Variants in FCHSD2 observed in about 807,000 individuals in gnomAD.
FCHSD2 encodes the protein FCH and double SH3 domains 2.
FCHSD2 carries 38 observed loss-of-function variants against 108.1 expected under a neutral mutation model. The ratio of observed to expected loss-of-function variants is 0.35; its 90% confidence interval spans 0.27 to 0.46. FCHSD2 has a LOEUF of 0.46. Ranked by LOEUF, FCHSD2 falls within the 20% of genes least tolerant of loss-of-function variation. The probability of loss-of-function intolerance (pLI) is 1.00; values close to 1 mark genes in which losing one functional copy is unlikely to be tolerated. For synonymous variants in FCHSD2, 279 were observed against 314.7 expected, an observed-to-expected ratio of 0.89 and a Z score of 1.20; for missense variants, 751 against 897.8, an observed-to-expected ratio of 0.84 and a Z score of 2.09.
chr11:72,945,187 G>A (rs964788503), intron 8 of FCHSD2, among the ~76,000 whole-genome samples: 3 of 152,116 alleles, frequency 2.0e-5, no homozygotes, highest in African/African-American at 7.2e-5. Flanking sequence ...CATGGTACTG[G>A]TACCAAAACA....
chr11:73,133,787 C>T (rs1323570871), intron 2 of FCHSD2, among the ~76,000 whole-genome samples: 4 of 82,698 alleles, frequency 4.8e-5, no homozygotes, highest in Admixed American at 1.3e-4. Context: ...AGAGAAACTC[C>T]GTCTCAAAAA....
chr11:73,023,770 G>A (rs1858163480), intron 3 of FCHSD2, among the ~76,000 whole-genome samples: 2 of 152,174 alleles, frequency 1.3e-5, no homozygotes, highest in South Asian at 2.1e-4. Context: ...CCTTCAGTAG[G>A]TGAATGGATA....
rs1861264378 is a variant in FCHSD2, at chr11:73,142,118, C to A, written c.-241G>T. ...AGGCTTGGGGCCCGGGCGGCCCGGG[C>A]GGCCCGGGGGTGTGTGAGGAAGGAG... On this transcript the variant is annotated 5_prime_UTR_variant, in exon 1 of 20. Transcript: ENST00000409418. 2.5e-6 allele frequency: 1 copy of A among 403,570 alleles called. No individual in the cohort carries two copies. 25.0% of individuals were successfully genotyped at this position (403,570 alleles called of 1,614,324 possible).
intron 13 of FCHSD2, among the ~76,000 whole-genome samples, chr11:72,860,230 T>G (rs10898885): frequency 6.6e-6 from 1 of 151,976 alleles, no homozygotes; most frequent in Admixed American, 6.5e-5. Context: ...CATGGACCGG[T>G]AAAAGGTTCG....
intron 13 of FCHSD2, among the ~76,000 whole-genome samples, chr11:72,863,986 A>G (rs1249470845): frequency 6.6e-6 from 1 of 152,262 alleles, no homozygotes; most frequent in Non-Finnish European, 1.5e-5. Context: ...TGATCTTAGC[A>G]GTTTTAGAAA....
At chr11:73,096,499 C>A (rs1307912541) in intron 2 of FCHSD2, among the ~76,000 whole-genome samples, 2 of 151,672 alleles carry the variant, frequency 1.3e-5, no homozygotes, top group African/African-American at 4.8e-5. Flanking sequence ...TGCAGTGAGC[C>A]GAGATTGTGC....
At chr11:73,011,459 T>TTACAGCACTTACACTGC (rs1461980606) in intron 4 of FCHSD2, among the ~76,000 whole-genome samples, 9 of 152,216 alleles carry the variant, frequency 5.9e-5, no homozygotes, top group African/African-American at 2.2e-4. Flanking sequence ...CCTAACAGTG[T>TTACAGCACTTACACTGC]TAACCCACAG....
At chr11:72,900,414 T>C (rs1855503691) in intron 10 of FCHSD2, 1 of 847,702 alleles carries the variant, frequency 1.2e-6, no homozygotes, top group Non-Finnish European at 1.9e-6. Flanking sequence ...CCTAAGAACA[T>C]TTAGCACAGT....
intron 8 of FCHSD2, among the ~76,000 whole-genome samples, chr11:72,933,366 T>G (rs947524959): frequency 6.6e-6 from 1 of 152,174 alleles, no homozygotes; most frequent in African/African-American, 2.4e-5. Flanking sequence ...AAAGCAGTGA[T>G]GAGAAATTTG....
chr11:72,906,507 A>G (rs888645547), intron 9 of FCHSD2, among the ~76,000 whole-genome samples: 14 of 152,166 alleles, frequency 9.2e-5, no homozygotes, highest in African/African-American at 3.4e-4. Context: ...GCCCATGCCT[A>G]TGTCCTGAAT....
chr11:72,894,919 T>C (rs1026557734), intron 10 of FCHSD2, among the ~76,000 whole-genome samples: 4 of 152,200 alleles, frequency 2.6e-5, no homozygotes, highest in African/African-American at 9.7e-5. Flanking sequence ...TTATGCAATG[T>C]ATGGTATATG....
chr11:72,854,003 T>C (rs1861359801), intron 13 of FCHSD2, among the ~76,000 whole-genome samples: 1 of 152,078 alleles, frequency 6.6e-6, no homozygotes, highest in African/African-American at 2.4e-5. Context: ...GAAATGCAAA[T>C]CAAAACCACA....
chr11:73,122,630 G>A (rs1246340332), intron 2 of FCHSD2, among the ~76,000 whole-genome samples: 1 of 152,158 alleles, frequency 6.6e-6, no homozygotes, highest in Non-Finnish European at 1.5e-5. Flanking sequence ...GAAAAAGAAG[G>A]GGACAGTTTA....
At chr11:72,932,499 C>T (rs1231462904) in intron 8 of FCHSD2, among the ~76,000 whole-genome samples, 1 of 152,220 alleles carries the variant, frequency 6.6e-6, no homozygotes, top group Non-Finnish European at 1.5e-5. Flanking sequence ...TTCCGTATTA[C>T]ACCTTCTCTA....
intron 3 of FCHSD2, among the ~76,000 whole-genome samples, chr11:73,017,374 ATTTC>A (rs2135435123): frequency 6.6e-6 from 1 of 152,322 alleles, no homozygotes; most frequent in Non-Finnish European, 1.5e-5. Flanking sequence ...TGAGATACTT[ATTTC>A]TATACACGTA....
intron 8 of FCHSD2, among the ~76,000 whole-genome samples, chr11:72,958,137 G>C (rs1308694011): frequency 6.6e-6 from 1 of 152,182 alleles, no homozygotes; most frequent in Non-Finnish European, 1.5e-5. Flanking sequence ...AGCAATAAGT[G>C]TTCCCACTAT....
chr11:73,056,725 A>T (rs551499475), intron 3 of FCHSD2, among the ~76,000 whole-genome samples: 55 of 152,330 alleles, frequency 3.6e-4, no homozygotes, highest in African/African-American at 1.3e-3. Flanking sequence ...AAAAGGTACT[A>T]CAGGAGAGCA....
intron 8 of FCHSD2, among the ~76,000 whole-genome samples, chr11:72,936,522 C>T (rs889990907): frequency 1.3e-5 from 2 of 152,156 alleles, no homozygotes; most frequent in Admixed American, 1.3e-4. Flanking sequence ...TGCCTGTACT[C>T]CCAGCACTTT....
At position 73,077,603 on chromosome 11, in the gene FCHSD2, AC is replaced by A. The variant is rs763335820; in HGVS notation, c.165+6091del. On this transcript the variant is annotated intron_variant, in intron 3 of 19. Transcript: ENST00000409418. ...CAACTTTATTTATAATACTCAAAAA[AC>A]AGAAATAACTCACATGTCCATCAAC... 30 of 431,256 alleles carry A rather than the reference AC, an allele frequency of 7.0e-5. No individual in the cohort carries two copies. In the East Asian group the frequency reaches 1.7e-3, roughly 24 times the overall value. The allele number at this position is 431,256 out of a possible 1,614,324, so 26.7% of individuals were successfully genotyped here.
Sources: gnomAD v4.1 joint callset for allele counts (sites outside exome capture counted in the v4.1 genomes callset) on GRCh38, gnomAD v4.1.1 for gene constraint, MANE v1.5 for transcripts, NCBI Gene and HGNC (gene_info 2026-07-23, HGNC 2026-07-21) for gene names.